Variants in NFIA observed in about 807,000 individuals in gnomAD.
NFIA encodes nuclear factor 1 A-type.
Under a neutral mutation model 62.8 loss-of-function variants are expected in NFIA, and 8 were observed. That is an observed-to-expected ratio of 0.13 (90% CI 0.07 to 0.23). NFIA has a LOEUF of 0.23. Among genes scored for constraint, NFIA ranks in the 10% least tolerant of loss-of-function variants. The probability of loss-of-function intolerance (pLI) is 1.00; values close to 1 mark genes in which losing one functional copy is unlikely to be tolerated. For synonymous variants in NFIA, 235 were observed against 238.1 expected (o/e 0.99, Z 0.12); for missense variants, 410 against 642.1 (o/e 0.64, Z 3.91).
chr1:61,173,831 G>A (rs334716), intron 2 of NFIA, among the ~76,000 whole-genome samples: 140,992 of 152,204 alleles, frequency 0.93, 65,468 homozygotes, highest in Middle Eastern at 0.96. Context: ...GTAACCAGGA[G>A]AAGTGGTGGC....
At chr1:61,082,066 C>T, upstream of NFIA, 1 of 1,473,498 alleles carries the variant, frequency 6.8e-7, no homozygotes. Context: ...AGGTCTGCAG[C>T]GGGGGTGGGG....
intron 3 of NFIA, among the ~76,000 whole-genome samples, chr1:61,317,954 C>T (rs1310253608): frequency 6.6e-6 from 1 of 152,006 alleles, no homozygotes; most frequent in African/African-American, 2.4e-5. Context: ...GAAATTGAGG[C>T]TTAGGATTTT....
chr1:61,169,182 T>G lies in NFIA; in HGVS notation c.559+80502T>G, dbSNP rs143896834. Among the ~76,000 whole-genome samples, 1,389 of 152,288 alleles carry G rather than the reference T, an allele frequency of 9.1e-3. 17 individuals carry two copies. Among genetic ancestry groups the G allele is most frequent in the Middle Eastern group, 0.061 (18 of 294 alleles). ...AGCTTTTAGATAAATATTCCAAGTT[T>G]TTTTTCCCCTGCTGCTGCAAGCTTA... On this transcript the variant is annotated intron_variant, in intron 2 of 10. Coordinates refer to ENST00000403491, the MANE Select transcript of NFIA (RefSeq NM_001134673.4).
chr1:61,328,968 C>G (rs1176235196), intron 3 of NFIA, among the ~76,000 whole-genome samples: 2 of 151,636 alleles, frequency 1.3e-5, no homozygotes, highest in African/African-American at 4.8e-5. Context: ...AACGATCTGC[C>G]TGCTTTGGCC....
At chr1:61,240,653 A>T (rs1655292962) in intron 2 of NFIA, among the ~76,000 whole-genome samples, 2 of 152,138 alleles carry the variant, frequency 1.3e-5, no homozygotes, top group Non-Finnish European at 2.9e-5. Flanking sequence ...TTTTCAAATT[A>T]CTAGATTGTA....
chr1:61,277,608 G>GCT, intron 3 of NFIA, 23 bp downstream of exon 3: 1 of 1,612,722 alleles, frequency 6.2e-7, no homozygotes, highest in Non-Finnish European at 8.5e-7. Context: ...TGGGACTCTA[G>GCT]CTGCTGCTTT....
At chr1:61,113,731 A>G (rs1307511264) in intron 2 of NFIA, among the ~76,000 whole-genome samples, 1 of 136,496 alleles carries the variant, frequency 7.3e-6, no homozygotes, top group Non-Finnish European at 1.6e-5. Flanking sequence ...TGGAAATGAG[A>G]GAATGAGCAG....
chr1:61,438,845 T>C (rs1344503940), intron 10 of NFIA, among the ~76,000 whole-genome samples: 2 of 152,176 alleles, frequency 1.3e-5, no homozygotes, highest in Admixed American at 1.3e-4. Context: ...TGATTAGTTC[T>C]AATGGGGTGG....
intron 2 of NFIA, among the ~76,000 whole-genome samples, chr1:61,183,894 ACACGTG>A (rs1158350280): frequency 1.3e-5 from 2 of 151,996 alleles, no homozygotes; most frequent in Non-Finnish European, 2.9e-5. Flanking sequence ...TCCAAAACGT[ACACGTG>A]CGCAAACTTG....
chr1:61,110,010 TGTTA>T (rs1646668245), intron 2 of NFIA, among the ~76,000 whole-genome samples: 1 of 152,040 alleles, frequency 6.6e-6, no homozygotes, highest in Non-Finnish European at 1.5e-5. Context: ...TTAAAGTGGA[TGTTA>T]GTTAAGGACA....
In NFIA at chr1:61,459,798, A is replaced by G. The variant is rs1668459781; in HGVS notation, c.*4478A>G. The G allele has an allele frequency of 6.6e-6, 1 of 151,974 alleles. No homozygotes were observed. The allele number at this position is 151,974 out of a possible 1,614,324, so 9.4% of individuals were successfully genotyped here. On this transcript the variant is annotated 3_prime_UTR_variant, in exon 11 of 11. Transcript: ENST00000403491. The stretch of plus-strand genomic sequence containing the variant: ...ACTGACAAAACCTGGATAAGGAAAA[A>G]CCTTTTTTTTCTATGAATTTTTTTT...
rs879164453 is a variant in NFIA, at chr1:61,088,791, A to C, written c.559+111A>C. 1 of 1,253,284 alleles carries C rather than the reference A, an allele frequency of 8.0e-7. No homozygotes were observed. Among genetic ancestry groups the C allele is most frequent in the African/African-American group, 1.5e-5 (1 of 66,726 alleles). 77.6% of individuals were successfully genotyped at this position (1,253,284 alleles called of 1,614,324 possible). The stretch of plus-strand genomic sequence containing the variant: ...GCTCCCCAAGTTGCAGGCCACGTAC[A>C]TGAAGCCAGTGTGGTTTCAAAGATT... On this transcript the variant is annotated intron_variant, in intron 2 of 10. Transcript: ENST00000403491. This position sits in a 1 kb window ranked among gnomAD's most constrained non-coding sequence, Gnocchi z 4.5.
rs138603951 is a variant in NFIA at position 61,191,039 on chromosome 1, A to AT, written c.560-86468dup. Among the ~76,000 whole-genome samples the AT allele has an allele frequency of 8.6e-3, 1,261 of 147,094 alleles. 22 individuals are homozygous for AT. The highest frequency in any genetic ancestry group is 0.071 in the East Asian group (356 of 5,006). ...AAGAAACTGGCAGTGAAAATGAAGG[A>AT]TTTTTTTTTTTTTCAAGCAAGCAAG... On this transcript the variant is annotated intron_variant, in intron 2 of 10. Transcript: ENST00000403491.
intron 1 of NFIA, among the ~76,000 whole-genome samples, chr1:61,083,643 C>T (rs1022339389): frequency 1.2e-4 from 18 of 151,578 alleles, no homozygotes; most frequent in Non-Finnish European, 2.5e-4. Flanking sequence ...GACGAGCCCA[C>T]GTTGTGCAGG....
intron 2 of NFIA, among the ~76,000 whole-genome samples, chr1:61,204,953 G>A (rs1239386769): frequency 6.6e-6 from 1 of 152,120 alleles, no homozygotes; most frequent in Admixed American, 6.5e-5. Context: ...ATTGTATTCT[G>A]TTGGCCCAAA....
At chr1:61,316,030 C>T (rs2100357784) in intron 3 of NFIA, among the ~76,000 whole-genome samples, 1 of 152,306 alleles carries the variant, frequency 6.6e-6, no homozygotes, top group East Asian at 1.9e-4. Context: ...GGCCAATGTA[C>T]TCTCTCGTCC....
At chr1:61,111,381 G>A (rs1279087371) in intron 2 of NFIA, among the ~76,000 whole-genome samples, 1 of 152,058 alleles carries the variant, frequency 6.6e-6, no homozygotes, top group African/African-American at 2.4e-5. Flanking sequence ...GTGTAAAAAT[G>A]AAGAAAAAAT....
At chr1:61,102,463 T>C (rs1443373537) in intron 2 of NFIA, among the ~76,000 whole-genome samples, 3 of 152,196 alleles carry the variant, frequency 2.0e-5, no homozygotes, top group Non-Finnish European at 4.4e-5. Flanking sequence ...TCTCTCTGTT[T>C]TTGCTACTAA....
At chr1:61,131,860 A>G (rs1033806291) in intron 2 of NFIA, among the ~76,000 whole-genome samples, 3 of 152,154 alleles carry the variant, frequency 2.0e-5, no homozygotes, top group Admixed American at 6.5e-5. Flanking sequence ...AGCCTGGGAA[A>G]GCTCTGTTAC....
Sources: gnomAD v4.1 joint callset for allele counts (sites outside exome capture counted in the v4.1 genomes callset) on GRCh38, gnomAD v4.1.1 for gene constraint, Gnocchi (gnomAD v3.1) non-coding constraint, MANE v1.5 for transcripts, NCBI Gene and HGNC (gene_info 2026-07-23, HGNC 2026-07-21) for gene names.